Variants in IL1RL2 observed in about 807,000 individuals in gnomAD.
The protein encoded by IL1RL2 is interleukin 1 receptor like 2, also known as interleukin-1 receptor-like 2.
Under a neutral mutation model 66.8 loss-of-function variants are expected in IL1RL2, and 68 were observed. That is an observed-to-expected ratio of 1.02 (90% confidence interval 0.84 to 1.25). The LOEUF (loss-of-function observed/expected upper bound fraction) is 1.25. Ranked by LOEUF, IL1RL2 falls within the 50% of genes most tolerant of loss-of-function variation. IL1RL2 has a pLI of 0.00. For synonymous variants in IL1RL2, 305 were observed against 264.6 expected (o/e 1.15, Z -1.48); for missense variants, 729 against 709.3 (o/e 1.03, Z -0.32).
intron 4 of IL1RL2, among the ~76,000 whole-genome samples, chr2:102,195,603 TTCTTTCTTTCTTTCTTTCTTTCTTTC>T (rs1687641206): frequency 5.6e-5 from 1 of 17,780 alleles, no homozygotes; most frequent in African/African-American, 1.6e-4. Flanking sequence ...CTTTCTTTCT[TTCTTTCTTTCTTTCTTTCTTTCTTTC>T]TCTCTCTCTC....
intron 11 of IL1RL2, among the ~76,000 whole-genome samples, chr2:102,238,474 G>T (rs896370075): frequency 6.6e-6 from 1 of 152,204 alleles, no homozygotes; most frequent in Non-Finnish European, 1.5e-5. Flanking sequence ...TGCTCAGGGA[G>T]CCTCAGTCCC....
At chr2:102,218,900 T>C in intron 6 of IL1RL2, 53 bp from the exon 7 acceptor site, 1 of 1,528,714 alleles carries the variant, frequency 6.5e-7, no homozygotes, top group South Asian at 1.1e-5. Flanking sequence ...TGTTAACAAA[T>C]TTGAAAGTTT....
At chr2:102,238,689 T>G (rs111557472) in intron 11 of IL1RL2, among the ~76,000 whole-genome samples, 257 of 152,282 alleles carry the variant, frequency 1.7e-3, no homozygotes, top group Middle Eastern at 6.8e-3. Flanking sequence ...CTGTTCCAGA[T>G]GAGGTCTGGA....
chr2:102,241,661 T>C (rs1443650745), downstream of IL1RL2, among the ~76,000 whole-genome samples: 2 of 152,198 alleles, frequency 1.3e-5, no homozygotes, highest in East Asian at 1.9e-4. Flanking sequence ...AGCTAAGCTC[T>C]TTAAGTACAT....
In IL1RL2 at chr2:102,195,559, C is replaced by CTCTT. The variant is rs1205396126; in HGVS notation, c.489+3507_489+3510dup. ...ATTCCCTTATTCTATTTCTTTCTTTCTCTTTCTTTCTTTCTTTCTTTCTTT... is the reference window on the plus strand; with the variant it reads ...ATTCCCTTATTCTATTTCTTTCTTTCTCTTTCTTTCTTTCTTTCTTTCTTTCTTT... On this transcript the variant is annotated intron_variant, in intron 4 of 11. Coordinates refer to ENST00000264257, the MANE Select transcript of IL1RL2 (RefSeq NM_003854.4). Among the ~76,000 whole-genome samples, 165 of 43,666 alleles carry CTCTT rather than the reference C, an allele frequency of 3.8e-3. 4 individuals are homozygous for CTCTT. Among genetic ancestry groups the CTCTT allele is most frequent in the South Asian group, 0.012 (10 of 868 alleles). 28.6% of individuals were successfully genotyped at this position (43,666 alleles called of 152,430 possible). A position where few individuals can be genotyped will look rare whatever the true frequency, so the allele number is the denominator to read the frequency against.
intron 5 of IL1RL2, among the ~76,000 whole-genome samples, chr2:102,205,827 T>C (rs902517035): frequency 1.3e-5 from 2 of 152,204 alleles, no homozygotes; most frequent in Non-Finnish European, 2.9e-5. Flanking sequence ...TTTCTACTCT[T>C]TTCTGTTTCT....
At chr2:102,234,577 T>C (rs755567543) in intron 10 of IL1RL2, among the ~76,000 whole-genome samples, 20 of 152,148 alleles carry the variant, frequency 1.3e-4, no homozygotes, top group Non-Finnish European at 2.6e-4. Context: ...GCAGATCACT[T>C]GAGGTCAGGA....
At position 102,189,190 on chromosome 2, in the gene IL1RL2, A is replaced by C. The variant is rs754943580; in HGVS notation, c.173A>C (p.Lys58Thr). 3.9e-5 allele frequency: 63 copies of C among 1,614,020 alleles called. 1 individual carries two copies. In the Admixed American group the frequency reaches 1.0e-3, roughly 26 times the overall value. ...TSGEVSVTWY[K>T]NSSKIPVSKI... ...GGGGAAGTCAGTGTAACATGGTATA[A>C]AAATTCTAGCAAAATCCCAGTGTCC... The change falls in exon 3 of 12, where the codon AAA becomes ACA. Residue 58 changes from lysine (K) to threonine (T), a missense_variant. Physicochemically the swap from Lys to Thr is moderately conservative, Grantham distance 78. Transcript: ENST00000264257.
chr2:102,239,105 T>C lies in IL1RL2; in HGVS notation c.1679-87T>C, dbSNP rs34330147. Reference sequence around the variant, plus strand: ...AGATGAACTGACGGCAAGGTGGAGGTTTTCGCATTCCCATGGCAGGTTTCC... The same window carrying C: ...AGATGAACTGACGGCAAGGTGGAGGCTTTCGCATTCCCATGGCAGGTTTCC... On this transcript the variant is annotated intron_variant, in intron 11 of 11. Coordinates refer to ENST00000264257, the MANE Select transcript of IL1RL2 (RefSeq NM_003854.4). 202 of 1,206,450 alleles carry C rather than the reference T, an allele frequency of 1.7e-4. 2 individuals are homozygous for C. The African/African-American group carries it at 2.9e-3, about 17-fold the overall frequency. The allele number at this position is 1,206,450 out of a possible 1,614,324, so 74.7% of individuals were successfully genotyped here. A position where few individuals can be genotyped will look rare whatever the true frequency, so the allele number is the denominator to read the frequency against.
chr2:102,187,081 A>G lies in IL1RL2; in HGVS notation c.-18A>G. 7.8e-7 allele frequency: 1 copy of G among 1,289,842 alleles called. No individual in the cohort carries two copies. The highest frequency in any genetic ancestry group is 1.0e-6 in the Non-Finnish European group (1 of 988,854). The allele number at this position is 1,289,842 out of a possible 1,614,324, so 79.9% of individuals were successfully genotyped here. Reference sequence around the variant, plus strand: ...GAGGTCCTGCGCGCTTCAATCCTGCAGGCAGGTAGACACCGGGCCGGGAGT... The same window carrying G: ...GAGGTCCTGCGCGCTTCAATCCTGCGGGCAGGTAGACACCGGGCCGGGAGT... On this transcript the variant is annotated 5_prime_UTR_variant, in exon 1 of 12. Coordinates refer to ENST00000264257, the MANE Select transcript of IL1RL2 (RefSeq NM_003854.4).
At chr2:102,203,023 A>G (rs941392828) in intron 5 of IL1RL2, among the ~76,000 whole-genome samples, 2 of 152,188 alleles carry the variant, frequency 1.3e-5, no homozygotes, top group African/African-American at 4.8e-5. Context: ...GGTCTGTCAC[A>G]TATGGCTTTT....
intron 3 of IL1RL2, 112 bp from the exon 4 acceptor site, chr2:102,191,813 G>A: frequency 1.6e-5 from 11 of 701,466 alleles, no homozygotes; most frequent in Non-Finnish European, 7.2e-6. Flanking sequence ...GTTAGAGGCA[G>A]AGGGTTTGCA....
intron 9 of IL1RL2, among the ~76,000 whole-genome samples, chr2:102,227,290 C>T (rs1578184465): frequency 6.7e-6 from 1 of 148,384 alleles, no homozygotes; most frequent in Admixed American, 6.7e-5. Context: ...TGTCTGAGAA[C>T]GTTTTATGGG....
At chr2:102,201,102 C>T (rs1688215180) in intron 4 of IL1RL2, among the ~76,000 whole-genome samples, 2 of 152,032 alleles carry the variant, frequency 1.3e-5, no homozygotes, top group South Asian at 4.2e-4. Flanking sequence ...AAGCGGGAGT[C>T]CACTGGCAGA....
intron 8 of IL1RL2, among the ~76,000 whole-genome samples, chr2:102,222,806 G>A (rs761603155): frequency 2.0e-5 from 3 of 152,210 alleles, no homozygotes; most frequent in African/African-American, 4.8e-5. Context: ...GAGACTCAGG[G>A]TCCACCCCAG....
chr2:102,188,651 T>C (rs906282199), intron 2 of IL1RL2, among the ~76,000 whole-genome samples: 2 of 151,914 alleles, frequency 1.3e-5, no homozygotes, highest in African/African-American at 4.8e-5. Flanking sequence ...ATTTTTTTTC[T>C]TAAACAATCG....
At chr2:102,188,513 G>A (rs1041945097) in intron 2 of IL1RL2, among the ~76,000 whole-genome samples, 1 of 150,942 alleles carries the variant, frequency 6.6e-6, no homozygotes, top group African/African-American at 2.4e-5. Context: ...GCGTGAACTC[G>A]GGAGGCGGAG....
At position 102,201,611 on chromosome 2, in the gene IL1RL2, T is replaced by A. The variant is rs1467733912; in HGVS notation, c.545T>A (p.Val182Glu). 6.2e-7 allele frequency: 1 copy of A among 1,614,120 alleles called. No homozygotes were observed. Among genetic ancestry groups the A allele is most frequent in the East Asian group, 2.2e-5 (1 of 44,884 alleles). ...ACTGTTTTGGAAACCAGGCTTTTGG[T>A]GAGCAATGTCTCGGCAGAGGACAGA... ...RFTVLETRLL[V>E]SNVSAEDRGN... is the part of the protein sequence containing the mutation. Residue 182 changes from valine (V) to glutamate (E), a missense_variant, in exon 5 of 12, where the codon GTG becomes GAG. Coordinates refer to ENST00000264257, the MANE Select transcript of IL1RL2 (RefSeq NM_003854.4).
intron 5 of IL1RL2, 86 bp from the exon 6 acceptor site, chr2:102,212,014 G>A: frequency 1.1e-6 from 1 of 900,304 alleles, no homozygotes; most frequent in Non-Finnish European, 1.8e-6. Context: ...GGTCTGCTCT[G>A]TTGGGCTTCA....
Sources: allele counts gnomAD v4.1 joint callset (sites outside exome capture counted in the v4.1 genomes callset), GRCh38; gene constraint gnomAD v4.1.1; transcripts MANE v1.5; gene names NCBI Gene and HGNC (gene_info 2026-07-23, HGNC 2026-07-21).